CDH18: variants seen among roughly 807,000 people sequenced by gnomAD.
CDH18 encodes the protein cadherin-18.
Under a neutral mutation model 67.9 loss-of-function variants are expected in CDH18, and 31 were observed. The observed-to-expected ratio is 0.46, with a 90% CI of 0.34 to 0.62. The LOEUF is 0.62. CDH18 is among the 20% of genes least tolerant of loss of function. The pLI, the probability that CDH18 is intolerant of heterozygous loss-of-function variation, is 0.01. For synonymous variants in CDH18, 362 were observed against 347.2 expected (o/e 1.04, Z -0.48); for missense variants, 890 against 975.5 (o/e 0.91, Z 1.17).
intron 3 of CDH18, among the ~76,000 whole-genome samples, chr5:19,761,661 A>G (rs1772366281): frequency 6.6e-6 from 1 of 152,194 alleles, no homozygotes; most frequent in African/African-American, 2.4e-5. Context: ...AAATGGTCAT[A>G]CTGCCCAAGG....
intron 8 of CDH18, among the ~76,000 whole-genome samples, chr5:19,561,956 T>C (rs1214205705): frequency 6.6e-6 from 1 of 152,280 alleles, no homozygotes; most frequent in East Asian, 1.9e-4. Context: ...AATTTCAAAA[T>C]ACAGGTTGTA....
At chr5:20,530,632 G>A (rs1237945443) in intron 1 of CDH18, among the ~76,000 whole-genome samples, 1 of 151,966 alleles carries the variant, frequency 6.6e-6, no homozygotes, top group Non-Finnish European at 1.5e-5. Context: ...AACAAGCAAT[G>A]GGAAAAGGAA....
At chr5:19,604,921 T>C (rs1416392431) in intron 6 of CDH18, among the ~76,000 whole-genome samples, 2 of 151,992 alleles carry the variant, frequency 1.3e-5, no homozygotes, top group Non-Finnish European at 2.9e-5. Flanking sequence ...AAATAACACA[T>C]AAATGCTTGA....
chr5:20,157,248 G>A (rs1561837122), intron 2 of CDH18, among the ~76,000 whole-genome samples: 1 of 152,064 alleles, frequency 6.6e-6, no homozygotes, highest in African/African-American at 2.4e-5. Flanking sequence ...AACTGCATTT[G>A]AAAAAGAAAA....
intron 2 of CDH18, among the ~76,000 whole-genome samples, chr5:19,918,376 T>C (rs73762440): frequency 0.026 from 3,965 of 152,270 alleles, 105 homozygotes; most frequent in African/African-American, 0.059. Context: ...AATTATTTTA[T>C]ATATAAGAAA....
chr5:19,961,812 G>A (rs114910134), intron 2 of CDH18, among the ~76,000 whole-genome samples: 1,782 of 151,626 alleles, frequency 0.012, 37 homozygotes, highest in African/African-American at 0.041. Flanking sequence ...GCTTTTTTAA[G>A]TTTTTATTAT....
chr5:20,515,385 A>G (rs1426516824), intron 1 of CDH18, among the ~76,000 whole-genome samples: 1 of 151,940 alleles, frequency 6.6e-6, no homozygotes, highest in Admixed American at 6.6e-5. Context: ...CAACTGTTCA[A>G]GTAACATATC....
intron 2 of CDH18, among the ~76,000 whole-genome samples, chr5:20,044,956 C>T (rs1254496936): frequency 6.6e-6 from 1 of 151,994 alleles, no homozygotes; most frequent in Non-Finnish European, 1.5e-5. Flanking sequence ...TTTGCTCACT[C>T]TCTCTCTCAT....
At chr5:20,321,479 A>C (rs1423240356) in intron 1 of CDH18, among the ~76,000 whole-genome samples, 2 of 152,086 alleles carry the variant, frequency 1.3e-5, no homozygotes, top group East Asian at 3.9e-4. Flanking sequence ...GCAGAAACTT[A>C]GGAAAAAAGA....
At chr5:20,051,920 A>G (rs1033057655) in intron 2 of CDH18, among the ~76,000 whole-genome samples, 4 of 152,060 alleles carry the variant, frequency 2.6e-5, no homozygotes, top group Admixed American at 2.6e-4. Flanking sequence ...TGGACAGATG[A>G]GAGATTCCAG....
intron 1 of CDH18, among the ~76,000 whole-genome samples, chr5:20,279,994 A>C (rs954064486): frequency 6.6e-6 from 1 of 152,070 alleles, no homozygotes; most frequent in African/African-American, 2.4e-5. Flanking sequence ...TAAAAAATTC[A>C]AAAACATTGA....
At chr5:20,366,513 C>G (rs1742531446) in intron 1 of CDH18, among the ~76,000 whole-genome samples, 1 of 152,176 alleles carries the variant, frequency 6.6e-6, no homozygotes, top group African/African-American at 2.4e-5. Flanking sequence ...ATACAAAATG[C>G]CTGTGACAAG....
intron 2 of CDH18, among the ~76,000 whole-genome samples, chr5:19,904,867 T>G (rs1013325401): frequency 2.0e-5 from 3 of 152,172 alleles, no homozygotes; most frequent in Non-Finnish European, 4.4e-5. Flanking sequence ...TTCAAAAATA[T>G]CATGACAGTT....
intron 9 of CDH18, among the ~76,000 whole-genome samples, chr5:19,526,614 T>G (rs910738242): frequency 6.6e-6 from 1 of 152,120 alleles, no homozygotes; most frequent in African/African-American, 2.4e-5. Flanking sequence ...ATATCATGAC[T>G]TAAATCTTTA....
intron 2 of CDH18, among the ~76,000 whole-genome samples, chr5:19,868,671 T>G (rs1049254257): frequency 6.6e-6 from 1 of 152,260 alleles, no homozygotes; most frequent in East Asian, 1.9e-4. Flanking sequence ...CTTAGGGACA[T>G]CCCTCAATAT....
chr5:20,035,462 G>T lies in CDH18; in HGVS notation c.-517-43448C>A, dbSNP rs571629213. Among the ~76,000 whole-genome samples, 71 of 152,128 alleles carry T rather than the reference G, an allele frequency of 4.7e-4. 1 individual carries two copies. Among genetic ancestry groups the T allele is most frequent in the Admixed American group, 1.6e-3 (24 of 15,260 alleles). On this transcript the variant is annotated intron_variant, in intron 2 of 14. Coordinates refer to the CDH18 transcript ENST00000507958. ...AGAGATTTAATTAACTCATACTTCT[G>T]CATGGCTGGGGAGGCCTCAAGAGGC...
In CDH18 at chr5:19,849,612, GCATATAT is replaced by G. The variant is rs1561436919; in HGVS notation, c.-256-10377_-256-10371del. Among the ~76,000 whole-genome samples, 503 of 78,126 alleles carry G rather than the reference GCATATAT, an allele frequency of 6.4e-3. 27 individuals carry two copies. Among genetic ancestry groups the G allele is most frequent in the Non-Finnish European group, 0.012 (364 of 31,602 alleles). The allele number at this position is 78,126 out of a possible 152,430, so 51.3% of individuals were successfully genotyped here. A position where few individuals can be genotyped will look rare whatever the true frequency, so the allele number is the denominator to read the frequency against. On this transcript the variant is annotated intron_variant, in intron 2 of 12. Coordinates refer to ENST00000382275, the MANE Select transcript of CDH18 (RefSeq NM_004934.5). Reference sequence around the variant, plus strand: ...TATATATATAAACATATATATACACGCATATATATATAAACATATATATACACGCATA... The same window carrying G: ...TATATATATAAACATATATATACACGATATAAACATATATATACACGCATA...
chr5:20,374,621 T>C (rs936010220), intron 1 of CDH18, among the ~76,000 whole-genome samples: 1 of 152,186 alleles, frequency 6.6e-6, no homozygotes, highest in Non-Finnish European at 1.5e-5. Flanking sequence ...CAATTCAATA[T>C]AAACCAGGCT....
chr5:20,077,229 T>C (rs1744025338), intron 2 of CDH18, among the ~76,000 whole-genome samples: 1 of 152,216 alleles, frequency 6.6e-6, no homozygotes, highest in Admixed American at 6.5e-5. Context: ...AAAGACTCCT[T>C]TACAAAGCAA....
Sources: allele counts gnomAD v4.1 joint callset (sites outside exome capture counted in the v4.1 genomes callset), GRCh38; gene constraint gnomAD v4.1.1; transcripts MANE v1.5; gene names NCBI Gene and HGNC (gene_info 2026-07-23, HGNC 2026-07-21).